Variants in CABCOCO1 observed in about 807,000 individuals in gnomAD.
CABCOCO1 encodes ciliary-associated calcium-binding coiled-coil protein 1.
Under a neutral mutation model 35.7 loss-of-function variants are expected in CABCOCO1, and 28 were observed. The ratio of observed to expected loss-of-function variants is 0.78; its 90% CI spans 0.58 to 1.07. The LOEUF (loss-of-function observed/expected upper bound fraction) is 1.07. Ranked by LOEUF, CABCOCO1 falls within the 50% of genes least tolerant of loss-of-function variation. The pLI, the probability that CABCOCO1 is intolerant of heterozygous loss-of-function variation, is 0.00. For missense variants in CABCOCO1, 326 were observed against 309.2 expected, an observed-to-expected ratio of 1.05 and a Z score of -0.41; for synonymous variants, 95 against 100.1, an observed-to-expected ratio of 0.95 and a Z score of 0.30.
chr10:61,685,735 A>C (rs771512655), intron 3 of CABCOCO1, among the ~76,000 whole-genome samples: 1 of 151,932 alleles, frequency 6.6e-6, no homozygotes, highest in Non-Finnish European at 1.5e-5. Context: ...TAATTTTTGG[A>C]TTTTTTTGTA....
chr10:61,663,022 C>T lies in CABCOCO1; in HGVS notation c.50C>T (p.Pro17Leu). The change falls in exon 1 of 8, where the codon CCC becomes CTC. Residue 17 changes from proline (P) to leucine (L), a missense_variant. By Grantham distance (98) the Pro-to-Leu change is moderately conservative. Coordinates refer to ENST00000648843, the MANE Select transcript of CABCOCO1 (RefSeq NM_001366906.2). ...GGGCCGACCCCGGCGGGAACCACGC[C>T]CGAATCGGAGGTACACCGCCCCTTT... ...PWGPTPAGTT[P>L]ESERDTEFQE... 2 of 320,242 alleles carry T rather than the reference C, an allele frequency of 6.2e-6. No homozygotes were observed. The allele number at this position is 320,242 out of a possible 1,614,324, so 19.8% of individuals were successfully genotyped here.
chr10:61,741,654 A>G (rs1304079558), intron 5 of CABCOCO1, among the ~76,000 whole-genome samples: 1 of 152,206 alleles, frequency 6.6e-6, no homozygotes, highest in African/African-American at 2.4e-5. Flanking sequence ...TAGAAAAAAG[A>G]CTGACTAATT....
chr10:61,671,109 G>C (rs930536954), intron 1 of CABCOCO1, among the ~76,000 whole-genome samples: 1 of 152,122 alleles, frequency 6.6e-6, no homozygotes, highest in Non-Finnish European at 1.5e-5. Flanking sequence ...GGCAGGTCAC[G>C]AGGTCAGGAG....
chr10:61,685,482 C>T (rs1205159370), intron 3 of CABCOCO1: 5 of 151,702 alleles, frequency 3.3e-5, no homozygotes, highest in Non-Finnish European at 7.4e-5. Context: ...AATTTTTTTT[C>T]TTTTTTTTCA....
At chr10:61,668,281 T>C (rs1036874672) in intron 1 of CABCOCO1, among the ~76,000 whole-genome samples, 10 of 152,026 alleles carry the variant, frequency 6.6e-5, no homozygotes, top group Admixed American at 4.6e-4. Flanking sequence ...TTTTTACATC[T>C]GCATTGATTT....
chr10:61,697,831 T>C (rs1676055461), intron 5 of CABCOCO1, among the ~76,000 whole-genome samples: 2 of 152,098 alleles, frequency 1.3e-5, no homozygotes, highest in African/African-American at 4.8e-5. Context: ...GACGAAAGGC[T>C]GCATAGGAAA....
At chr10:61,679,258 T>C (rs1044045105) in intron 2 of CABCOCO1, among the ~76,000 whole-genome samples, 1 of 152,082 alleles carries the variant, frequency 6.6e-6, no homozygotes, top group Non-Finnish European at 1.5e-5. Flanking sequence ...AGGATGCTCA[T>C]AGTCACAGAG....
At chr10:61,740,653 C>G (rs758516047) in intron 5 of CABCOCO1, among the ~76,000 whole-genome samples, 1 of 152,148 alleles carries the variant, frequency 6.6e-6, no homozygotes, top group Non-Finnish European at 1.5e-5. Context: ...GAAATTACAA[C>G]TTCTGATTTG....
At chr10:61,695,639 CAT>C (rs952254113) in intron 5 of CABCOCO1, among the ~76,000 whole-genome samples, 9 of 152,046 alleles carry the variant, frequency 5.9e-5, no homozygotes, top group African/African-American at 2.2e-4. Context: ...AAACAAAAGA[CAT>C]ATGTCCTTTA....
chr10:61,756,626 A>G (rs1841902615), intron 5 of CABCOCO1, among the ~76,000 whole-genome samples: 2 of 152,088 alleles, frequency 1.3e-5, no homozygotes, highest in African/African-American at 4.8e-5. Context: ...GGTATTTGAA[A>G]GTCAAGCAAA....
chr10:61,709,036 T>C (rs1286886043), intron 5 of CABCOCO1, among the ~76,000 whole-genome samples: 2 of 152,172 alleles, frequency 1.3e-5, no homozygotes, highest in South Asian at 2.1e-4. Context: ...AATATTTTTA[T>C]GCCTTTTATG....
chr10:61,697,357 T>A (rs1399841533), intron 5 of CABCOCO1, among the ~76,000 whole-genome samples: 1 of 152,100 alleles, frequency 6.6e-6, no homozygotes, highest in Non-Finnish European at 1.5e-5. Flanking sequence ...CTATCAAGTC[T>A]TTAGAATGAA....
intron 5 of CABCOCO1, among the ~76,000 whole-genome samples, chr10:61,721,072 C>T (rs2132041301): frequency 6.6e-6 from 1 of 151,630 alleles, no homozygotes; most frequent in South Asian, 2.1e-4. Flanking sequence ...CTACACGCGC[C>T]CGCCACCACG....
intron 5 of CABCOCO1, among the ~76,000 whole-genome samples, chr10:61,734,919 T>A (rs181959985): frequency 6.6e-6 from 1 of 152,232 alleles, no homozygotes; most frequent in East Asian, 1.9e-4. Context: ...CCAGATTAGA[T>A]AAGAAACATA....
intron 5 of CABCOCO1, among the ~76,000 whole-genome samples, chr10:61,739,192 C>T (rs1028520418): frequency 6.6e-6 from 1 of 152,116 alleles, no homozygotes; most frequent in African/African-American, 2.4e-5. Context: ...TAACTCATTA[C>T]AAAAGTGGAT....
In CABCOCO1 at chr10:61,701,908, C is replaced by A. The variant is rs528681501; in HGVS notation, c.552+11287C>A. 3 of 697,442 alleles carry A rather than the reference C, an allele frequency of 4.3e-6. No homozygotes were observed. The South Asian group carries it at 1.9e-4, about 45-fold the overall frequency. 43.2% of individuals were successfully genotyped at this position (697,442 alleles called of 1,614,324 possible). The stretch of plus-strand genomic sequence containing the variant: ...GAGATTTGTCTTGTCTGCATAACTC[C>A]CAGATGGCAAACCAAAGATCGTTGG... On this transcript the variant is annotated intron_variant, in intron 5 of 7. Transcript: ENST00000648843.
chr10:61,712,968 A>G (rs1840768909), intron 5 of CABCOCO1, among the ~76,000 whole-genome samples: 1 of 152,206 alleles, frequency 6.6e-6, no homozygotes, highest in African/African-American at 2.4e-5. Flanking sequence ...CTTTTTGCTT[A>G]GGATTGCCTT....
chr10:61,697,113 A>C (rs1840316327), intron 5 of CABCOCO1, among the ~76,000 whole-genome samples: 1 of 152,104 alleles, frequency 6.6e-6, no homozygotes, highest in Non-Finnish European at 1.5e-5. Flanking sequence ...AAAATCTATA[A>C]AGTTTTTGTG....
chr10:61,696,027 A>G (rs1039370592), intron 5 of CABCOCO1, among the ~76,000 whole-genome samples: 1 of 152,054 alleles, frequency 6.6e-6, no homozygotes, highest in Non-Finnish European at 1.5e-5. Flanking sequence ...ACAGATTAAG[A>G]TGGATGGATG....
Sources: gnomAD v4.1 joint callset for allele counts (sites outside exome capture counted in the v4.1 genomes callset) on GRCh38, gnomAD v4.1.1 for gene constraint, MANE v1.5 for transcripts, NCBI Gene and HGNC (gene_info 2026-07-23, HGNC 2026-07-21) for gene names.